CEP128: variants seen among roughly 807,000 people sequenced by gnomAD.
CEP128 encodes centrosomal protein 128kDa.
In CEP128, 132 loss-of-function variants were observed where a neutral mutation model predicts 156.7. The ratio of observed to expected loss-of-function variants is 0.84; its 90% CI spans 0.73 to 0.97. CEP128 has a LOEUF of 0.97. Among genes scored for constraint, CEP128 ranks in the 50% least tolerant of loss-of-function variants. The probability of loss-of-function intolerance (pLI) is 0.00; values close to 1 mark genes in which losing one functional copy is unlikely to be tolerated. For missense variants in CEP128, 1,252 were observed against 1,281.9 expected (o/e 0.98, Z 0.36); for synonymous variants, 469 against 448.9 (o/e 1.04, Z -0.57).
intron 9 of CEP128, among the ~76,000 whole-genome samples, chr14:80,849,472 T>G (rs1434482370): frequency 6.6e-6 from 1 of 152,164 alleles, no homozygotes; most frequent in Non-Finnish European, 1.5e-5. Context: ...AAACTGTAAC[T>G]TTTTTGTCAC....
chr14:80,929,048 A>G (rs1358386011), intron 2 of CEP128, among the ~76,000 whole-genome samples: 1 of 152,206 alleles, frequency 6.6e-6, no homozygotes, highest in Non-Finnish European at 1.5e-5. Context: ...AATCCTATTA[A>G]AAAGTGGGCA....
rs562269101 is a variant in CEP128 at position 80,775,490 on chromosome 14, G to A, written c.2376+2392C>T. On this transcript the variant is annotated intron_variant, in intron 16 of 24. Coordinates refer to ENST00000555265, the MANE Select transcript of CEP128 (RefSeq NM_152446.5). ...ATATAAGCATGTTTGCGTGTGTATC[G>A]TTAAGATTATATGCCATTTTAGGAT... Among the ~76,000 whole-genome samples the A allele has an allele frequency of 3.9e-5, 6 of 152,278 alleles. No individual in the cohort carries two copies. The East Asian group carries it at 5.8e-4, about 15-fold the overall frequency.
intron 18 of CEP128, among the ~76,000 whole-genome samples, chr14:80,747,465 A>G (rs1899159459): frequency 6.6e-6 from 1 of 152,222 alleles, no homozygotes; most frequent in Non-Finnish European, 1.5e-5. Context: ...GAAACTTGAA[A>G]ACATTCTGCT....
intron 2 of CEP128, among the ~76,000 whole-genome samples, chr14:80,949,374 T>C (rs1263506069): frequency 6.6e-6 from 1 of 151,862 alleles, no homozygotes; most frequent in Admixed American, 6.6e-5. Flanking sequence ...GAGAGCTACG[T>C]AGAGAGAAAA....
At chr14:80,951,897 A>G (rs558117548) in intron 2 of CEP128, among the ~76,000 whole-genome samples, 1 of 152,234 alleles carries the variant, frequency 6.6e-6, no homozygotes, top group Admixed American at 6.5e-5. Flanking sequence ...ATCACAAGGT[A>G]TAAAGAAGGC....
chr14:80,900,930 G>A (rs1398860196), intron 6 of CEP128, among the ~76,000 whole-genome samples: 2 of 151,820 alleles, frequency 1.3e-5, no homozygotes, highest in Admixed American at 6.6e-5. Context: ...GGGGTGGCCG[G>A]GCGCGGTGGC....
intron 8 of CEP128, among the ~76,000 whole-genome samples, chr14:80,886,009 C>G (rs2139342991): frequency 6.6e-6 from 1 of 152,016 alleles, no homozygotes; most frequent in African/African-American, 2.4e-5. Flanking sequence ...CCAAATCAAT[C>G]AAGCGGAAGA....
chr14:80,673,645 CA>C (rs4016509), intron 19 of CEP128, among the ~76,000 whole-genome samples: 53 of 43,958 alleles, frequency 1.2e-3, no homozygotes, highest in African/African-American at 1.6e-3. Flanking sequence ...GACTCCGTCT[CA>C]AAAAAAAAAA....
At chr14:80,889,558 G>A (rs1888979912) in intron 8 of CEP128, among the ~76,000 whole-genome samples, 1 of 152,162 alleles carries the variant, frequency 6.6e-6, no homozygotes, top group African/African-American at 2.4e-5. Flanking sequence ...ATGGTGCTGG[G>A]AAAACTGGCT....
At chr14:80,740,924 G>C (rs1293051293) in intron 19 of CEP128, among the ~76,000 whole-genome samples, 5 of 152,072 alleles carry the variant, frequency 3.3e-5, no homozygotes, top group African/African-American at 1.2e-4. Context: ...ATTGGTGAAG[G>C]TCCCACCTAA....
Position 80,785,303 on chromosome 14 carries a change from G to C in CEP128, c.1803C>G (p.Ile601Met). The C allele has an allele frequency of 6.2e-7, 1 of 1,614,098 alleles. No homozygotes were observed. Among genetic ancestry groups the C allele is most frequent in the Non-Finnish European group, 8.5e-7 (1 of 1,180,030 alleles). The change falls in exon 15 of 25, where the codon ATC (isoleucine) becomes ATG (methionine). Residue 601 changes from isoleucine (I) to methionine (M), a missense_variant. By Grantham distance (10) the Ile-to-Met change is conservative. Transcript: ENST00000555265. ...LESELKKQSKIQSQMKVEKAH... is the reference protein window; with the variant it reads ...LESELKKQSKMQSQMKVEKAH... ...CTTTCTCAACTTTCATCTGGCTTTG[G>C]ATCTTACTCTGCTTTTTCAATTCGC...
At chr14:80,751,644 T>A in intron 18 of CEP128, among the ~76,000 whole-genome samples, 1 of 151,918 alleles carries the variant, frequency 6.6e-6, no homozygotes, top group South Asian at 2.1e-4. Context: ...TTTTTTTTTT[T>A]TTTGAGATGG....
chr14:80,761,024 G>T (rs1302341517), intron 17 of CEP128, among the ~76,000 whole-genome samples: 1 of 151,926 alleles, frequency 6.6e-6, no homozygotes, highest in Non-Finnish European at 1.5e-5. Context: ...AAAAGATAGG[G>T]TTGTTTCAGA....
intron 2 of CEP128, among the ~76,000 whole-genome samples, chr14:80,931,455 C>T (rs1343113616): frequency 6.6e-6 from 1 of 152,238 alleles, no homozygotes; most frequent in African/African-American, 2.4e-5. Flanking sequence ...TCTGTTCTTG[C>T]AGCTCTGTGA....
intron 19 of CEP128, among the ~76,000 whole-genome samples, chr14:80,666,247 C>T (rs1313656084): frequency 1.3e-5 from 2 of 152,190 alleles, no homozygotes. Context: ...CCAAATTCTG[C>T]TGACACTGGA....
chr14:80,682,099 C>T (rs929559379), intron 19 of CEP128, among the ~76,000 whole-genome samples: 27 of 151,844 alleles, frequency 1.8e-4, no homozygotes, highest in African/African-American at 6.3e-4. Context: ...CAGAGTAAGA[C>T]CCTTTCCCCC....
rs1030036660 is a variant in CEP128, at chr14:80,939,501, C to T, written c.-132G>A. 6.6e-6 allele frequency: 1 copy of T among 152,152 alleles called. No individual in the cohort carries two copies. The highest frequency in any genetic ancestry group is 1.5e-5 in the Non-Finnish European group (1 of 68,038). The allele number at this position is 152,152 out of a possible 1,614,324, so 9.4% of individuals were successfully genotyped here. ...GTTCAGGGCAAAGGGCCTAGTCAAG[C>T]CGATGATCTTTGGTTGCCCCTACAC... On this transcript the variant is annotated 5_prime_UTR_variant, in exon 2 of 25. Transcript: ENST00000555265.
intron 23 of CEP128, among the ~76,000 whole-genome samples, chr14:80,525,332 AC>A (rs1888927637): frequency 6.6e-6 from 1 of 152,216 alleles, no homozygotes; most frequent in African/African-American, 2.4e-5. Flanking sequence ...TCCCGATTCA[AC>A]CATTTAATTA....
At chr14:80,709,118 T>C (rs1284602236) in intron 19 of CEP128, among the ~76,000 whole-genome samples, 1 of 151,018 alleles carries the variant, frequency 6.6e-6, no homozygotes, top group Non-Finnish European at 1.5e-5. Context: ...CTAAGTTTTA[T>C]ATTATTACTA....
Sources: allele counts gnomAD v4.1 joint callset (sites outside exome capture counted in the v4.1 genomes callset), GRCh38; gene constraint gnomAD v4.1.1; transcripts MANE v1.5; gene names NCBI Gene and HGNC (gene_info 2026-07-23, HGNC 2026-07-21).